The following TMEM184B variants were observed in gnomAD, a reference collection of about 807,000 sequenced individuals.
TMEM184B encodes transmembrane protein 184B.
A neutral mutation model predicts 41.8 loss-of-function variants in TMEM184B; 17 were observed. The observed-to-expected ratio is 0.41, with a 90% CI of 0.28 to 0.61. The LOEUF is 0.61. Among genes scored for constraint, TMEM184B ranks in the 20% least tolerant of loss-of-function variants. The pLI is 0.34. For synonymous variants in TMEM184B, 240 were observed against 229.5 expected (o/e 1.05, Z -0.41); for missense variants, 393 against 557.8 (o/e 0.70, Z 2.98).
At chr22:38,261,262 C>T (rs147993533) in intron 1 of TMEM184B, among the ~76,000 whole-genome samples, 7 of 152,274 alleles carry the variant, frequency 4.6e-5, no homozygotes, top group African/African-American at 1.7e-4. Context: ...AGGGAAAGAG[C>T]GGCCCCTGGC....
Position 38,220,656 on chromosome 22 carries a change from G to A in TMEM184B, c.*813C>T, listed in dbSNP as rs1011453992. The A allele has an allele frequency of 1.0e-6, 1 of 986,172 alleles. No homozygotes were observed. Among genetic ancestry groups the A allele is most frequent in the Non-Finnish European group, 1.2e-6 (1 of 830,166 alleles). The allele number at this position is 986,172 out of a possible 1,614,324, so 61.1% of individuals were successfully genotyped here. A position where few individuals can be genotyped will look rare whatever the true frequency, so the allele number is the denominator to read the frequency against. On this transcript the variant is annotated 3_prime_UTR_variant, in exon 9 of 9. Coordinates refer to ENST00000361906, the MANE Select transcript of TMEM184B (RefSeq NM_012264.5). ...GGAGGGCTGGGAGCCCCTGAGCCCT[G>A]AAGCAGCCAGGAAGCAAGGGCTCTG...
intron 1 of TMEM184B, among the ~76,000 whole-genome samples, chr22:38,265,289 C>T (rs2092428314): frequency 6.6e-6 from 1 of 152,208 alleles, no homozygotes; most frequent in African/African-American, 2.4e-5. Flanking sequence ...CCAGAGAGCA[C>T]CGGCTCCTCA....
intron 1 of TMEM184B, among the ~76,000 whole-genome samples, chr22:38,263,105 G>A (rs2092395002): frequency 6.6e-6 from 1 of 152,110 alleles, no homozygotes; most frequent in African/African-American, 2.4e-5. Context: ...GTTTCATCAT[G>A]TTGGCCAGGC....
intron 1 of TMEM184B, among the ~76,000 whole-genome samples, chr22:38,252,748 C>T (rs541606748): frequency 7.2e-5 from 11 of 152,280 alleles, no homozygotes; most frequent in South Asian, 4.1e-4. Context: ...GTGCAACCTG[C>T]GCGGGTACTT....
intron 5 of TMEM184B, among the ~76,000 whole-genome samples, chr22:38,228,192 C>A (rs566801654): frequency 1.3e-5 from 2 of 152,186 alleles, no homozygotes; most frequent in African/African-American, 4.8e-5. Flanking sequence ...CCCCACAGAA[C>A]GTCCCTGGCC....
downstream of TMEM184B, among the ~76,000 whole-genome samples, chr22:38,216,966 T>C (rs1165904712): frequency 2.0e-5 from 3 of 152,058 alleles, no homozygotes; most frequent in African/African-American, 7.2e-5. Context: ...GAGGATCACT[T>C]GAGGCCAGGA....
chr22:38,252,234 A>AT (rs1019659442), intron 1 of TMEM184B, among the ~76,000 whole-genome samples: 18 of 151,714 alleles, frequency 1.2e-4, no homozygotes, highest in Admixed American at 6.6e-5. Context: ...TAATTTTTGT[A>AT]TTTTTTTGGA....
At chr22:38,246,683 G>T in intron 2 of TMEM184B, 2 of 667,724 alleles carry the variant, frequency 3.0e-6, no homozygotes, top group South Asian at 2.2e-5. Flanking sequence ...AACAGAGGCA[G>T]CACCACTGCT....
At position 38,247,970 on chromosome 22, in the gene TMEM184B, G is replaced by A; in HGVS notation, c.-9C>T. The A allele has an allele frequency of 1.3e-6, 2 of 1,563,024 alleles. No individual in the cohort carries two copies. The highest frequency in any genetic ancestry group is 8.6e-7 in the Non-Finnish European group (1 of 1,160,528). On this transcript the variant is annotated 5_prime_UTR_variant, in exon 2 of 9. Coordinates refer to ENST00000361906, the MANE Select transcript of TMEM184B (RefSeq NM_012264.5). Reference sequence around the variant, plus strand: ...TCCCCCCTCACTGTCATGGTGCCTGGCAGCAGGAGGCTCCCTGAGGGAAAC... The same window carrying A: ...TCCCCCCTCACTGTCATGGTGCCTGACAGCAGGAGGCTCCCTGAGGGAAAC...
chr22:38,220,259 CT>C lies in TMEM184B; in HGVS notation c.*1209del. 2 of 986,014 alleles carry C rather than the reference CT, an allele frequency of 2.0e-6. No individual in the cohort carries two copies. Among genetic ancestry groups the C allele is most frequent in the Non-Finnish European group, 2.4e-6 (2 of 830,084 alleles). The allele number at this position is 986,014 out of a possible 1,614,324, so 61.1% of individuals were successfully genotyped here. On this transcript the variant is annotated 3_prime_UTR_variant, in exon 9 of 9. Transcript: ENST00000361906. ...TGGTGGTCCTGACCACTCCTGAGGC[CT>C]GTCCAAGGGCTCTGGGCCCAGCACT...
Position 38,225,328 on chromosome 22 carries a change from C to A in TMEM184B, c.787+96G>T. 1 of 1,431,664 alleles carries A rather than the reference C, an allele frequency of 7.0e-7. No homozygotes were observed. Among genetic ancestry groups the A allele is most frequent in the Non-Finnish European group, 9.4e-7 (1 of 1,069,036 alleles). The allele number at this position is 1,431,664 out of a possible 1,614,324, so 88.7% of individuals were successfully genotyped here. ...GTGGGCTGAGGCCCCTCTGAACAGG[C>A]CCTACAGGCACCAGGGACCATAAGC... On this transcript the variant is annotated intron_variant, in intron 7 of 8. Transcript: ENST00000361906. The surrounding 1 kb of genome is among the most constrained non-coding windows in gnomAD (Gnocchi z 4.4).
intron 8 of TMEM184B, chr22:38,222,574 A>T: frequency 1.0e-6 from 1 of 984,306 alleles, no homozygotes; most frequent in Non-Finnish European, 1.2e-6. Flanking sequence ...CTACAGAGAG[A>T]CGCATGCCAG....
At position 38,225,008 on chromosome 22, in the gene TMEM184B, C is replaced by A. The variant is rs1475653369; in HGVS notation, c.788-29G>T. On this transcript the variant is annotated intron_variant, in intron 7 of 8. Coordinates refer to ENST00000361906, the MANE Select transcript of TMEM184B (RefSeq NM_012264.5). This position sits in a 1 kb window ranked among gnomAD's most constrained non-coding sequence, Gnocchi z 4.4. ...GATGGGGAGGCACGGGTGTCTGGAC[C>A]CAGAATGATTCCTTTCCTGCTCCCC... 6.6e-7 allele frequency: 1 copy of A among 1,517,554 alleles called. No individual in the cohort carries two copies. The highest frequency in any genetic ancestry group is 2.1e-5 in the Admixed American group (1 of 48,530). 94.0% of individuals were successfully genotyped at this position (1,517,554 alleles called of 1,614,324 possible).
chr22:38,234,993 G>A (rs1235390223), intron 3 of TMEM184B, among the ~76,000 whole-genome samples: 1 of 152,182 alleles, frequency 6.6e-6, no homozygotes, highest in Non-Finnish European at 1.5e-5. Flanking sequence ...AAGAGTCCAC[G>A]GTGTGTTACC....
Position 38,245,959 on chromosome 22 carries a change from C to T in TMEM184B, c.334G>A (p.Gly112Ser), listed in dbSNP as rs759463834. The stretch of plus-strand genomic sequence containing the variant: ...CCCTCATAGCAGTCGCGGACGGTGC[C>T]GAAGTACACGTAGTACTGGTCGTTG... The part of the protein sequence containing the change: ...FTNDQYYVYF[G>S]TVRDCYEALV... Residue 112 changes from glycine to serine, a missense_variant, in exon 3 of 9, where the codon GGC becomes AGC. Coordinates refer to ENST00000361906, the MANE Select transcript of TMEM184B (RefSeq NM_012264.5). 31 of 1,611,928 alleles carry T rather than the reference C, an allele frequency of 1.9e-5. No individual in the cohort carries two copies. In the Admixed American group the frequency reaches 3.3e-4, roughly 17 times the overall value.
At chr22:38,257,457 G>C (rs1232248564) in intron 1 of TMEM184B, among the ~76,000 whole-genome samples, 1 of 152,098 alleles carries the variant, frequency 6.6e-6, no homozygotes, top group Non-Finnish European at 1.5e-5. Context: ...GCAGCTTCCT[G>C]TCCCAGACAG....
At chr22:38,256,705 T>C (rs969003652) in intron 1 of TMEM184B, among the ~76,000 whole-genome samples, 25 of 152,226 alleles carry the variant, frequency 1.6e-4, no homozygotes, top group Non-Finnish European at 5.9e-5. Context: ...AATGAATTTT[T>C]CCACCTCTCC....
chr22:38,227,710 T>C (rs2145579066), intron 5 of TMEM184B, among the ~76,000 whole-genome samples: 1 of 152,162 alleles, frequency 6.6e-6, no homozygotes, highest in East Asian at 1.9e-4. Flanking sequence ...ATGAAAAGGA[T>C]GTAGTCACTC....
Position 38,249,604 on chromosome 22 carries a change from G to C in TMEM184B, c.-58-1585C>G, listed in dbSNP as rs138183355. On this transcript the variant is annotated intron_variant, in intron 1 of 8. Transcript: ENST00000361906. The stretch of plus-strand genomic sequence containing the variant: ...CCCCTTCTACCACATGAGGACACAG[G>C]GAGAAGGCACCGTCTCTGAGCCAAA... 1.7e-3 allele frequency among the ~76,000 whole-genome samples: 254 copies of C among 152,272 alleles called. 1 individual carries two copies. The highest frequency in any genetic ancestry group is 6.0e-3 in the African/African-American group (251 of 41,552).
Sources: gnomAD v4.1 joint callset for allele counts (sites outside exome capture counted in the v4.1 genomes callset) on GRCh38, gnomAD v4.1.1 for gene constraint, Gnocchi (gnomAD v3.1) non-coding constraint, MANE v1.5 for transcripts, NCBI Gene and HGNC (gene_info 2026-07-23, HGNC 2026-07-21) for gene names.